Variants in WWC2 observed in about 807,000 individuals in gnomAD.
WWC2 encodes the protein protein WWC2.
In WWC2, 101 loss-of-function variants were observed where a neutral mutation model predicts 138.5. That is an observed-to-expected ratio of 0.73 (90% CI 0.62 to 0.86). The LOEUF is 0.86. Ranked by LOEUF, WWC2 falls within the 40% of genes least tolerant of loss-of-function variation. The pLI is 0.00. For missense variants in WWC2, 1,420 were observed against 1,419.4 expected (o/e 1.00, Z -0.01); for synonymous variants, 558 against 538.4 (o/e 1.04, Z -0.50).
intron 1 of WWC2, among the ~76,000 whole-genome samples, chr4:183,160,657 A>G (rs1044240263): frequency 1.3e-5 from 2 of 152,208 alleles, no homozygotes; most frequent in Non-Finnish European, 2.9e-5. Flanking sequence ...TATTGAAGTT[A>G]GTTGCCACAT....
chr4:183,099,481 G>T lies in WWC2; in HGVS notation c.-11G>T. 7.7e-7 allele frequency: 1 copy of T among 1,302,896 alleles called. No individual in the cohort carries two copies. Among genetic ancestry groups the T allele is most frequent in the Non-Finnish European group, 9.8e-7 (1 of 1,015,708 alleles). The allele number at this position is 1,302,896 out of a possible 1,614,324, so 80.7% of individuals were successfully genotyped here. A position where few individuals can be genotyped will look rare whatever the true frequency, so the allele number is the denominator to read the frequency against. On this transcript the variant is annotated 5_prime_UTR_variant, in exon 1 of 23. The change creates a new upstream start codon in the 5' untranslated region. Coordinates refer to ENST00000403733, the MANE Select transcript of WWC2 (RefSeq NM_024949.6). The stretch of plus-strand genomic sequence containing the variant: ...CTATGGAGGCGCCGCTCGCCGGCGA[G>T]GCCGCCGACCATGCCTAGGAGGGCC...
chr4:183,214,840 T>G (rs1735708449), intron 4 of WWC2, among the ~76,000 whole-genome samples: 1 of 152,200 alleles, frequency 6.6e-6, no homozygotes, highest in African/African-American at 2.4e-5. Flanking sequence ...TATTCTCTCT[T>G]GACTAGACAT....
At chr4:183,311,643 G>C (rs1436682384) in intron 21 of WWC2, among the ~76,000 whole-genome samples, 1 of 148,196 alleles carries the variant, frequency 6.7e-6, no homozygotes, top group Non-Finnish European at 1.5e-5. Context: ...TCAGTGGCGC[G>C]ATCTCGGCTC....
chr4:183,290,005 G>C (rs1738392469), intron 21 of WWC2, among the ~76,000 whole-genome samples: 1 of 151,958 alleles, frequency 6.6e-6, no homozygotes, highest in African/African-American at 2.4e-5. Flanking sequence ...TATAAATTTT[G>C]GCATAAGTGG....
chr4:183,122,513 A>G (rs558912328), intron 1 of WWC2, among the ~76,000 whole-genome samples: 4 of 152,268 alleles, frequency 2.6e-5, no homozygotes, highest in African/African-American at 9.6e-5. Flanking sequence ...GAATGAATAA[A>G]GATCTGTATT....
chr4:183,309,553 A>G (rs1437248673), intron 21 of WWC2, among the ~76,000 whole-genome samples: 2 of 152,272 alleles, frequency 1.3e-5, no homozygotes, highest in African/African-American at 4.8e-5. Context: ...TAGAGCGGCC[A>G]AGATGCAAAA....
intron 1 of WWC2, among the ~76,000 whole-genome samples, chr4:183,189,461 G>A (rs947051525): frequency 6.6e-6 from 1 of 151,560 alleles, no homozygotes; most frequent in East Asian, 1.9e-4. Context: ...AAGTTATTTC[G>A]AGGGAACTAA....
Position 183,245,514 on chromosome 4 carries a change from C to T in WWC2, c.701C>T (p.Ser234Leu). 1 of 1,598,786 alleles carries T rather than the reference C, an allele frequency of 6.3e-7. No homozygotes were observed. Among genetic ancestry groups the T allele is most frequent in the Non-Finnish European group, 8.5e-7 (1 of 1,174,730 alleles). ...AAATCTATCAGAAAGGCAATTAGCT[C>T]AGGAGAAAAAGAAAAACAAGATCTG... is the stretch of plus-strand genomic sequence containing the variant. ...ELKSIRKAIS[S>L]GEKEKQDLMQ... The change falls in exon 6 of 23, where the codon TCA (serine) becomes TTA (leucine). Residue 234 changes from serine (S) to leucine (L), a missense_variant. By Grantham distance (145) the Ser-to-Leu change is moderately radical. Coordinates refer to ENST00000403733, the MANE Select transcript of WWC2 (RefSeq NM_024949.6).
At chr4:183,163,342 A>T (rs1734014897) in intron 1 of WWC2, among the ~76,000 whole-genome samples, 1 of 152,224 alleles carries the variant, frequency 6.6e-6, no homozygotes, top group South Asian at 2.1e-4. Context: ...AGTGGAGTGC[A>T]GCTGGAAGCT....
In WWC2 at chr4:183,320,291, T is replaced by C. The variant is rs2111143225; in HGVS notation, c.*4562T>C. Reference sequence around the variant, plus strand: ...GCTGTGAAAAGAAGTGTGACACTTGTGTTATAACTTATGAAACTCAGAAAT... The same window carrying C: ...GCTGTGAAAAGAAGTGTGACACTTGCGTTATAACTTATGAAACTCAGAAAT... On this transcript the variant is annotated 3_prime_UTR_variant, in exon 23 of 23. Transcript: ENST00000403733. 7.5e-7 allele frequency: 1 copy of C among 1,332,880 alleles called. No homozygotes were observed. The highest frequency in any genetic ancestry group is 2.3e-5 in the East Asian group (1 of 43,398). 82.6% of individuals were successfully genotyped at this position (1,332,880 alleles called of 1,614,324 possible).
chr4:183,183,951 G>T (rs991541582), intron 1 of WWC2, among the ~76,000 whole-genome samples: 2 of 151,998 alleles, frequency 1.3e-5, no homozygotes, highest in African/African-American at 4.8e-5. Context: ...TCTTGGCATT[G>T]TTGTTTACTT....
At chr4:183,149,587 A>G (rs973668999) in intron 1 of WWC2, among the ~76,000 whole-genome samples, 2 of 149,894 alleles carry the variant, frequency 1.3e-5, no homozygotes, top group African/African-American at 2.5e-5. Context: ...GCGCCATTGC[A>G]CTCCAGCCTG....
At chr4:183,293,049 G>A (rs530570621) in intron 21 of WWC2, among the ~76,000 whole-genome samples, 7 of 152,282 alleles carry the variant, frequency 4.6e-5, no homozygotes, top group African/African-American at 1.2e-4. Flanking sequence ...TCTGCCTCCC[G>A]GGTTCAAGAG....
Position 183,193,826 on chromosome 4 carries a change from T to G in WWC2, c.241+118T>G, listed in dbSNP as rs139663910. The G allele has an allele frequency of 1.5e-3, 1,303 of 852,676 alleles. 9 individuals carry two copies. The African/African-American group carries it at 0.019, about 12-fold the overall frequency. 52.8% of individuals were successfully genotyped at this position (852,676 alleles called of 1,614,324 possible). A position where few individuals can be genotyped will look rare whatever the true frequency, so the allele number is the denominator to read the frequency against. ...AATTTCCAAAACCCCATTTTCTTAG[T>G]GACTAATATTTAACTGAAGTGCCTG... On this transcript the variant is annotated intron_variant, in intron 2 of 22. Coordinates refer to ENST00000403733, the MANE Select transcript of WWC2 (RefSeq NM_024949.6).
intron 5 of WWC2, chr4:183,240,502 A>C (rs868676640): frequency 5.3e-6 from 2 of 376,804 alleles, no homozygotes; most frequent in South Asian, 5.8e-5. Context: ...AAAGAAACCA[A>C]AGTGAAAAGC....
chr4:183,115,659 T>A (rs1732386204), intron 1 of WWC2, among the ~76,000 whole-genome samples: 1 of 152,238 alleles, frequency 6.6e-6, no homozygotes, highest in African/African-American at 2.4e-5. Flanking sequence ...TTGAGAAATG[T>A]CTGTTCGTGT....
At chr4:183,155,441 T>C (rs1452146189) in intron 1 of WWC2, among the ~76,000 whole-genome samples, 2 of 152,202 alleles carry the variant, frequency 1.3e-5, no homozygotes, top group South Asian at 2.1e-4. Context: ...CTTTATGTTA[T>C]AAATATCTTT....
At chr4:183,232,345 T>C (rs1736270975) in intron 4 of WWC2, among the ~76,000 whole-genome samples, 1 of 152,172 alleles carries the variant, frequency 6.6e-6, no homozygotes, top group African/African-American at 2.4e-5. Flanking sequence ...TACATGCCCA[T>C]TATTGCAATC....
chr4:183,280,229 G>GTTTTTTTTT (rs869235261), intron 16 of WWC2, among the ~76,000 whole-genome samples: 14 of 65,450 alleles, frequency 2.1e-4, no homozygotes, highest in Admixed American at 4.7e-4. Context: ...GATAGCAGCT[G>GTTTTTTTTT]TTTTTTTTTT....
Sources: allele counts gnomAD v4.1 joint callset (sites outside exome capture counted in the v4.1 genomes callset), GRCh38; gene constraint gnomAD v4.1.1; transcripts MANE v1.5; gene names NCBI Gene and HGNC (gene_info 2026-07-23, HGNC 2026-07-21).